Variants in PTPRM observed in about 807,000 individuals in gnomAD.
PTPRM encodes the protein receptor-type tyrosine-protein phosphatase mu.
In PTPRM, 47 loss-of-function variants were observed where a neutral mutation model predicts 186.7. The observed-to-expected ratio is 0.25, with a 90% CI of 0.20 to 0.32. The LOEUF (loss-of-function observed/expected upper bound fraction) is 0.32. Among genes scored for constraint, PTPRM ranks in the 10% least tolerant of loss-of-function variants. The pLI is 1.00. For missense variants in PTPRM, 1,494 were observed against 1,865.0 expected (o/e 0.80, Z 3.66); for synonymous variants, 668 against 674.9 (o/e 0.99, Z 0.16).
intron 2 of PTPRM, among the ~76,000 whole-genome samples, chr18:7,802,711 G>T (rs1344227048): frequency 6.6e-6 from 1 of 152,082 alleles, no homozygotes; most frequent in Admixed American, 6.5e-5. Flanking sequence ...TTTTTTTCCT[G>T]CAATAAGAAA....
At chr18:7,961,219 C>T (rs80026893) in intron 7 of PTPRM, among the ~76,000 whole-genome samples, 3,193 of 152,258 alleles carry the variant, frequency 0.021, 120 homozygotes, top group African/African-American at 0.074. Context: ...ATACTAGTTT[C>T]ATTGAGAATC....
At chr18:7,947,947 C>G (rs1458164171) in intron 5 of PTPRM, among the ~76,000 whole-genome samples, 1 of 152,126 alleles carries the variant, frequency 6.6e-6, no homozygotes, top group Non-Finnish European at 1.5e-5. Context: ...ATCATGCTAT[C>G]TTGACATAGT....
At chr18:8,275,402 C>T (rs1318633834) in intron 19 of PTPRM, among the ~76,000 whole-genome samples, 1 of 152,120 alleles carries the variant, frequency 6.6e-6, no homozygotes, top group Non-Finnish European at 1.5e-5. Context: ...TATGATTGCA[C>T]CACTACCCTC....
rs10541547 is a variant in PTPRM at position 7,659,117 on chromosome 18, T to TACACACAC, written c.73+91258_73+91265dup. ...GCAGGTATACACATGCACATGTATG[T>TACACACAC]ACACACACACACACACACACACACA... On this transcript the variant is annotated intron_variant, in intron 1 of 32. Transcript: ENST00000580170. 6.6e-3 allele frequency among the ~76,000 whole-genome samples: 954 copies of TACACACAC among 143,990 alleles called. 12 individuals are homozygous for TACACACAC. The highest frequency in any genetic ancestry group is 0.022 in the East Asian group (104 of 4,808). The allele number at this position is 143,990 out of a possible 152,430, so 94.5% of individuals were successfully genotyped here.
chr18:7,960,436 G>A (rs1421394085), intron 7 of PTPRM, among the ~76,000 whole-genome samples: 2 of 142,034 alleles, frequency 1.4e-5, no homozygotes, highest in Non-Finnish European at 3.0e-5. Context: ...TGGAGGAAGG[G>A]AGTATATAGG....
intron 17 of PTPRM, among the ~76,000 whole-genome samples, chr18:8,249,632 G>A (rs2094509175): frequency 6.6e-6 from 1 of 152,148 alleles, no homozygotes; most frequent in Non-Finnish European, 1.5e-5. Flanking sequence ...AGCCGTGAGT[G>A]GGGAGGGCTA....
intron 14 of PTPRM, among the ~76,000 whole-genome samples, chr18:8,149,831 A>C (rs2092965341): frequency 6.6e-6 from 1 of 152,120 alleles, no homozygotes; most frequent in South Asian, 2.1e-4. Flanking sequence ...GAGCTCTTGT[A>C]AGGCAGGCCT....
At position 8,129,419 on chromosome 18, in the gene PTPRM, C is replaced by A. The variant is rs142677434; in HGVS notation, c.2168-14228C>A. ...TCCCTGGCTGTACTGTTGATAGATA[C>A]CAATTGTGATATTTTGATTTTCATC... On this transcript the variant is annotated intron_variant, in intron 13 of 32. Coordinates refer to ENST00000580170, the MANE Select transcript of PTPRM (RefSeq NM_001105244.2). 3.0e-3 allele frequency among the ~76,000 whole-genome samples: 455 copies of A among 152,208 alleles called. 3 individuals carry two copies. Among genetic ancestry groups the A allele is most frequent in the African/African-American group, 0.01 (418 of 41,536 alleles).
At position 7,687,902 on chromosome 18, in the gene PTPRM, C is replaced by T. The variant is rs554170233; in HGVS notation, c.74-86247C>T. ...AAGTGATTGTCCTGCTTCAGCCTCC[C>T]GAATAGCCAGGACTACAGGCACACG... is the stretch of plus-strand genomic sequence containing the variant. On this transcript the variant is annotated intron_variant, in intron 1 of 32. Transcript: ENST00000580170. 1.8e-3 allele frequency among the ~76,000 whole-genome samples: 271 copies of T among 151,870 alleles called. 1 individual carries two copies. Among genetic ancestry groups the T allele is most frequent in the Middle Eastern group, 3.4e-3 (1 of 294 alleles).
intron 14 of PTPRM, among the ~76,000 whole-genome samples, chr18:8,210,069 T>C (rs939727920): frequency 6.8e-6 from 1 of 147,870 alleles, no homozygotes; most frequent in Non-Finnish European, 1.5e-5. Context: ...CCCAACACTT[T>C]GGGAGGCTGA....
At chr18:7,776,380 C>T (rs1173124189) in intron 2 of PTPRM, among the ~76,000 whole-genome samples, 2 of 152,182 alleles carry the variant, frequency 1.3e-5, no homozygotes, top group African/African-American at 4.8e-5. Flanking sequence ...GAAGGACTGG[C>T]AGTTCCCCCA....
intron 31 of PTPRM, among the ~76,000 whole-genome samples, chr18:8,387,735 A>AGT (rs1555897050): frequency 1.0e-3 from 157 of 151,268 alleles, no homozygotes; most frequent in African/African-American, 1.5e-3. Context: ...AAGGACCTGG[A>AGT]GTGTGTGTGT....
intron 11 of PTPRM, among the ~76,000 whole-genome samples, chr18:8,099,979 G>T (rs1298546922): frequency 6.6e-6 from 1 of 152,180 alleles, no homozygotes; most frequent in Non-Finnish European, 1.5e-5. Context: ...TTTACAGGAA[G>T]CATGGTGTTG....
chr18:8,227,617 C>T (rs888507290), intron 14 of PTPRM, among the ~76,000 whole-genome samples: 19 of 152,144 alleles, frequency 1.2e-4, no homozygotes, highest in South Asian at 2.1e-4. Flanking sequence ...TACATAGAGA[C>T]ATTCCAGAAT....
At chr18:7,827,976 A>G (rs2045572234) in intron 2 of PTPRM, among the ~76,000 whole-genome samples, 1 of 152,224 alleles carries the variant, frequency 6.6e-6, no homozygotes, top group Non-Finnish European at 1.5e-5. Flanking sequence ...GCGGTTCATC[A>G]TCTGGAGCAG....
chr18:8,174,889 GTCTC>G (rs2093459077), intron 14 of PTPRM, among the ~76,000 whole-genome samples: 1 of 152,232 alleles, frequency 6.6e-6, no homozygotes, highest in South Asian at 2.1e-4. Context: ...CCACGCATTT[GTCTC>G]TCTGACAGTC....
chr18:7,886,910 C>T (rs1370356868), intron 2 of PTPRM, among the ~76,000 whole-genome samples: 3 of 152,154 alleles, frequency 2.0e-5, no homozygotes, highest in African/African-American at 4.8e-5. Context: ...AAGTGGTCTT[C>T]TTGTTTTGCT....
In PTPRM at chr18:7,678,901, G is replaced by A. The variant is rs1018604235; in HGVS notation, c.74-95248G>A. 9.2e-5 allele frequency among the ~76,000 whole-genome samples: 14 copies of A among 152,090 alleles called. No individual in the cohort carries two copies. The East Asian group carries it at 2.1e-3, about 23-fold the overall frequency. ...AAAAGATATCTGTATGCATGTATCCGTATGCTGAGAGTGGGATTTCTGAGT... is the reference window on the plus strand; with the variant it reads ...AAAAGATATCTGTATGCATGTATCCATATGCTGAGAGTGGGATTTCTGAGT... On this transcript the variant is annotated intron_variant, in intron 1 of 32. Coordinates refer to ENST00000580170, the MANE Select transcript of PTPRM (RefSeq NM_001105244.2).
At chr18:7,628,465 G>A (rs1016707922) in intron 1 of PTPRM, among the ~76,000 whole-genome samples, 13 of 152,096 alleles carry the variant, frequency 8.5e-5, no homozygotes, top group African/African-American at 3.1e-4. Flanking sequence ...ATACAAAAAC[G>A]TGATTGTAAA....
Sources: allele counts gnomAD v4.1 joint callset (sites outside exome capture counted in the v4.1 genomes callset), GRCh38; gene constraint gnomAD v4.1.1; transcripts MANE v1.5; gene names NCBI Gene and HGNC (gene_info 2026-07-23, HGNC 2026-07-21).